CDK14: variants seen among roughly 807,000 people sequenced by gnomAD.
The protein encoded by CDK14 is cyclin-dependent kinase 14.
CDK14 carries 34 observed loss-of-function variants against 60.7 expected under a neutral mutation model. The ratio of observed to expected loss-of-function variants is 0.56; its 90% CI spans 0.43 to 0.75. CDK14 has a LOEUF of 0.75. CDK14 is among the 30% of genes least tolerant of loss of function. CDK14 has a pLI of 0.00. For missense variants in CDK14, 482 were observed against 564.1 expected (o/e 0.85, Z 1.47); for synonymous variants, 197 against 203.7 (o/e 0.97, Z 0.28).
chr7:90,984,163 C>A lies in CDK14; in HGVS notation c.963C>A (p.Ile321=). ...CTCTCTCTAGGGGAGTAGGTTGCAT[C>A]TTTGTTGAAATGATCCAAGGAGTTG... ...TCLDMWGVGC[I]FVEMIQGVAA... The change falls in exon 10 of 15, where the codon ATC becomes ATA. Residue 321 remains isoleucine (I), a synonymous_variant. Transcript: ENST00000380050. 6.2e-7 allele frequency: 1 copy of A among 1,609,744 alleles called. No individual in the cohort carries two copies. Among genetic ancestry groups the A allele is most frequent in the Non-Finnish European group, 8.5e-7 (1 of 1,176,116 alleles).
intron 4 of CDK14, among the ~76,000 whole-genome samples, chr7:90,759,054 T>A (rs868613801): frequency 8.9e-5 from 12 of 134,726 alleles, no homozygotes; most frequent in African/African-American, 1.1e-4. Context: ...AGACTCTGTC[T>A]AAAAAAAAAA....
At chr7:90,691,104 A>G (rs1253153449) in intron 2 of CDK14, among the ~76,000 whole-genome samples, 1 of 152,110 alleles carries the variant, frequency 6.6e-6, no homozygotes, top group Non-Finnish European at 1.5e-5. Flanking sequence ...CTGTTTGGTC[A>G]CACAATTTGG....
chr7:90,670,958 A>T (rs1383974013), intron 2 of CDK14, among the ~76,000 whole-genome samples: 1 of 152,202 alleles, frequency 6.6e-6, no homozygotes, highest in African/African-American at 2.4e-5. Flanking sequence ...TCTTAAGAAC[A>T]AAAGCTGGTG....
At chr7:90,786,556 T>A (rs761104568) in intron 4 of CDK14, among the ~76,000 whole-genome samples, 2 of 152,172 alleles carry the variant, frequency 1.3e-5, no homozygotes, top group Non-Finnish European at 2.9e-5. Context: ...CTTTTTGATA[T>A]CTTTAAAAAT....
intron 5 of CDK14, among the ~76,000 whole-genome samples, chr7:90,849,466 T>C (rs867827604): frequency 6.6e-6 from 1 of 152,036 alleles, no homozygotes; most frequent in Non-Finnish European, 1.5e-5. Flanking sequence ...CTTTATCTTA[T>C]CTTGGACAAA....
chr7:91,147,035 G>T (rs1800659322), intron 14 of CDK14, among the ~76,000 whole-genome samples: 1 of 151,986 alleles, frequency 6.6e-6, no homozygotes, highest in African/African-American at 2.4e-5. Context: ...AGTCAGTTTG[G>T]TAAAAGAATA....
chr7:90,830,260 C>T (rs1789872269), intron 5 of CDK14, among the ~76,000 whole-genome samples: 2 of 152,206 alleles, frequency 1.3e-5, no homozygotes, highest in South Asian at 2.1e-4. Flanking sequence ...CAATCCTCAA[C>T]TCTTGTCTTC....
chr7:90,615,078 C>T (rs1362626609), intron 2 of CDK14, among the ~76,000 whole-genome samples: 1 of 151,958 alleles, frequency 6.6e-6, no homozygotes, highest in Admixed American at 6.6e-5. Flanking sequence ...AATAGCTACT[C>T]TAAATTCTAT....
intron 3 of CDK14, among the ~76,000 whole-genome samples, chr7:90,728,958 T>C (rs1443239278): frequency 2.0e-5 from 3 of 152,090 alleles, no homozygotes; most frequent in African/African-American, 7.2e-5. Flanking sequence ...TTAGGACATA[T>C]AAACCTAGCT....
At chr7:90,978,892 A>G (rs802393) in intron 9 of CDK14, among the ~76,000 whole-genome samples, 84,543 of 152,046 alleles carry the variant, frequency 0.56, 24,051 homozygotes, top group East Asian at 0.71. Flanking sequence ...ACAAATAATC[A>G]TGATATATTA....
intron 5 of CDK14, 118 bp downstream of exon 5, chr7:90,790,770 A>G (rs1381986598): frequency 8.6e-6 from 5 of 581,188 alleles, no homozygotes; most frequent in African/African-American, 7.6e-5. Context: ...ATCTTTCATT[A>G]AAATGTGTAA....
At chr7:90,702,847 T>G (rs1801816548) in intron 2 of CDK14, among the ~76,000 whole-genome samples, 2 of 152,164 alleles carry the variant, frequency 1.3e-5, no homozygotes, top group South Asian at 4.1e-4. Flanking sequence ...AAAAATTATT[T>G]CTGTATGTTT....
Position 90,917,645 on chromosome 7 carries a change from G to A in CDK14, c.747G>A (p.Gln249=), listed in dbSNP as rs761163212. 6 of 1,613,564 alleles carry A rather than the reference G, an allele frequency of 3.7e-6. No individual in the cohort carries two copies. In the African/African-American group the frequency reaches 4.0e-5, roughly 11 times the overall value. Residue 249 remains glutamine (Q), a synonymous_variant, in exon 8 of 15, where the codon CAG becomes CAA. Coordinates refer to ENST00000380050, the MANE Select transcript of CDK14 (RefSeq NM_001287135.2). ...TGCGAGGTCTGTCTTACATCCACCA[G>A]CGTTATATTTTGCACAGAGACCTGA... ...QLLRGLSYIH[Q]RYILHRDLKP...
intron 10 of CDK14, among the ~76,000 whole-genome samples, chr7:91,026,569 A>G (rs1182031669): frequency 6.6e-6 from 1 of 152,152 alleles, no homozygotes; most frequent in Non-Finnish European, 1.5e-5. Context: ...TCTCCATCAA[A>G]GGTCAACATA....
intron 14 of CDK14, among the ~76,000 whole-genome samples, chr7:91,195,634 G>A (rs1802511118): frequency 6.6e-6 from 1 of 152,204 alleles, no homozygotes; most frequent in African/African-American, 2.4e-5. Context: ...GGTATTTTGT[G>A]AGCAGTTGCA....
intron 14 of CDK14, among the ~76,000 whole-genome samples, chr7:91,201,781 C>T (rs2116000235): frequency 6.6e-6 from 1 of 152,292 alleles, no homozygotes; most frequent in Admixed American, 6.5e-5. Context: ...GGTCTGTTTG[C>T]TTGCATTTAG....
At chr7:91,195,819 C>T (rs1802517719) in intron 14 of CDK14, among the ~76,000 whole-genome samples, 1 of 152,196 alleles carries the variant, frequency 6.6e-6, no homozygotes, top group Admixed American at 6.5e-5. Context: ...CACCTCCTCT[C>T]TGCATATAGA....
intron 12 of CDK14, among the ~76,000 whole-genome samples, chr7:91,104,350 G>A (rs547551870): frequency 9.2e-5 from 14 of 152,118 alleles, no homozygotes; most frequent in South Asian, 2.1e-4. Flanking sequence ...CCCTTGAGGC[G>A]TAATTGGGAA....
At chr7:90,957,401 G>GTATTCAATTAAGAA (rs1562844744) in intron 9 of CDK14, among the ~76,000 whole-genome samples, 1 of 152,164 alleles carries the variant, frequency 6.6e-6, no homozygotes, top group Non-Finnish European at 1.5e-5. Flanking sequence ...AAGAAAAGAG[G>GTATTCAATTAAGAA]AAGTCAAATT....
Sources: allele counts gnomAD v4.1 joint callset (sites outside exome capture counted in the v4.1 genomes callset), GRCh38; gene constraint gnomAD v4.1.1; transcripts MANE v1.5; gene names NCBI Gene and HGNC (gene_info 2026-07-23, HGNC 2026-07-21).